The following IQCE variants were observed in gnomAD, a reference collection of about 807,000 sequenced individuals.
IQCE encodes the protein IQ motif containing E.
IQCE carries 115 observed loss-of-function variants against 96.0 expected under a neutral mutation model. That is an observed-to-expected ratio of 1.20 (90% CI 1.03 to 1.40). The LOEUF (loss-of-function observed/expected upper bound fraction) is 1.40, where lower values mean the gene tolerates loss of function less well. Among genes scored for constraint, IQCE ranks in the 40% most tolerant of loss-of-function variants. The pLI, the probability that IQCE is intolerant of heterozygous loss-of-function variation, is 0.00. For synonymous variants in IQCE, 412 were observed against 371.2 expected (o/e 1.11, Z -1.26); for missense variants, 1,041 against 909.1 (o/e 1.15, Z -1.87).
intron 18 of IQCE, among the ~76,000 whole-genome samples, chr7:2,604,160 G>A (rs1162042569): frequency 1.3e-5 from 2 of 151,882 alleles, no homozygotes; most frequent in Non-Finnish European, 2.9e-5. Context: ...GCTAATTTTT[G>A]TATTTTTAGT....
In IQCE at chr7:2,586,355, C is replaced by A; in HGVS notation, c.972C>A (p.Thr324=). 1 of 1,612,750 alleles carries A rather than the reference C, an allele frequency of 6.2e-7. No homozygotes were observed. Among genetic ancestry groups the A allele is most frequent in the Non-Finnish European group, 8.5e-7 (1 of 1,179,692 alleles). Reference sequence around the variant, plus strand: ...ACCGCGTGCTGAGCACCTCCCCAACCATCTCCAAGACACAGGGTACCTTCC... The same window carrying A: ...ACCGCGTGCTGAGCACCTCCCCAACAATCTCCAAGACACAGGGTACCTTCC... ...DLDRVLSTSP[T]ISKTQGYVEW... Residue 324 remains threonine, a synonymous_variant, in exon 12 of 22, where the codon ACC becomes ACA. Coordinates refer to ENST00000402050, the MANE Select transcript of IQCE (RefSeq NM_152558.5).
chr7:2,600,307 C>T (rs1359463612), intron 17 of IQCE, among the ~76,000 whole-genome samples: 1 of 152,242 alleles, frequency 6.6e-6, no homozygotes, highest in Non-Finnish European at 1.5e-5. Flanking sequence ...TGTACCCCAT[C>T]CCCTCGGGAC....
chr7:2,607,956 G>A lies in IQCE; in HGVS notation c.1969+729G>A, dbSNP rs139230529. Among the ~76,000 whole-genome samples, 544 of 152,310 alleles carry A rather than the reference G, an allele frequency of 3.6e-3. 1 individual carries two copies. Among genetic ancestry groups the A allele is most frequent in the African/African-American group, 9.0e-3 (376 of 41,564 alleles). On this transcript the variant is annotated intron_variant, in intron 21 of 21. Transcript: ENST00000402050. The stretch of plus-strand genomic sequence containing the variant: ...AGTGTGGCGTGCGGGGCTGTTTCAC[G>A]TGGGAAGTGTCAGGCGAAGGGCTTT...
At chr7:2,585,619 C>T (rs1359234819) in intron 11 of IQCE, among the ~76,000 whole-genome samples, 2 of 152,228 alleles carry the variant, frequency 1.3e-5, no homozygotes, top group East Asian at 1.9e-4. Flanking sequence ...CCAGGCAGGC[C>T]ACAGAAAGCA....
At chr7:2,568,171 G>A (rs762805611) in intron 2 of IQCE, among the ~76,000 whole-genome samples, 18 of 152,200 alleles carry the variant, frequency 1.2e-4, no homozygotes, top group Non-Finnish European at 2.9e-5. Context: ...GCACCCTCAT[G>A]AGGCCACAAG....
chr7:2,564,011 C>T (rs2128427322), intron 1 of IQCE, among the ~76,000 whole-genome samples: 1 of 151,318 alleles, frequency 6.6e-6, no homozygotes, highest in East Asian at 2.0e-4. Context: ...AGTTCAAGAC[C>T]AGCCTGGCCA....
chr7:2,607,589 C>T, intron 21 of IQCE: 1 of 1,206,024 alleles, frequency 8.3e-7, no homozygotes, highest in East Asian at 3.6e-5. Flanking sequence ...CAAAAACAGT[C>T]AGTGAAGAAG....
chr7:2,567,806 T>C (rs1781489151), intron 2 of IQCE, among the ~76,000 whole-genome samples: 1 of 152,232 alleles, frequency 6.6e-6, no homozygotes, highest in Non-Finnish European at 1.5e-5. Flanking sequence ...CTCTGTGGAC[T>C]CAAGGGGGAG....
At position 2,614,045 on chromosome 7, in the gene IQCE, G is replaced by C. The variant is rs1785203976; in HGVS notation, c.*3883G>C. 1 of 152,226 alleles carries C rather than the reference G, an allele frequency of 6.6e-6. No individual in the cohort carries two copies. Among genetic ancestry groups the C allele is most frequent in the Non-Finnish European group, 1.5e-5 (1 of 68,040 alleles). The allele number at this position is 152,226 out of a possible 1,614,324, so 9.4% of individuals were successfully genotyped here. A position where few individuals can be genotyped will look rare whatever the true frequency, so the allele number is the denominator to read the frequency against. On this transcript the variant is annotated 3_prime_UTR_variant, in exon 22 of 22. Coordinates refer to ENST00000402050, the MANE Select transcript of IQCE (RefSeq NM_152558.5). ...ATGCGCTGGCTGTGGTCTGTCTGCT[G>C]AATGTCTATTTTTGTCTCCTGACGA...
In IQCE at chr7:2,614,125, C is replaced by CA. The variant is rs3215343; in HGVS notation, c.*3971dup. On this transcript the variant is annotated 3_prime_UTR_variant, in exon 22 of 22. Coordinates refer to ENST00000402050, the MANE Select transcript of IQCE (RefSeq NM_152558.5). ...GATGGACCAGAAACCCCCTTCCTTG[C>CA]AAAAAAAAGGCAATTGAATTAGGAA... 21,322 of 151,492 alleles carry CA rather than the reference C, an allele frequency of 0.14. 1,567 individuals carry two copies. Among genetic ancestry groups the CA allele is most frequent in the African/African-American group, 0.17 (7,216 of 41,250 alleles). The allele number at this position is 151,492 out of a possible 1,614,324, so 9.4% of individuals were successfully genotyped here. A position where few individuals can be genotyped will look rare whatever the true frequency, so the allele number is the denominator to read the frequency against.
At position 2,567,164 on chromosome 7, in the gene IQCE, G is replaced by GT. The variant is rs757888461; in HGVS notation, c.84+2dup. Reference sequence around the variant, plus strand: ...CACCTTTGACTCTGATGTGGAGACGGTGAGTGCCGCTGGGTGTCAGCCGTG... The same window carrying GT: ...CACCTTTGACTCTGATGTGGAGACGGTTGAGTGCCGCTGGGTGTCAGCCGTG... On this transcript the variant is annotated splice_donor_variant, in intron 2 of 21. Coordinates refer to ENST00000402050, the MANE Select transcript of IQCE (RefSeq NM_152558.5). LOFTEE classifies it high-confidence loss of function. 13 of 1,613,296 alleles carry GT rather than the reference G, an allele frequency of 8.1e-6. No individual in the cohort carries two copies. The African/African-American group carries it at 9.3e-5, about 12-fold the overall frequency.
chr7:2,590,754 G>C (rs540657640), intron 14 of IQCE, among the ~76,000 whole-genome samples: 1 of 152,248 alleles, frequency 6.6e-6, no homozygotes, highest in South Asian at 2.1e-4. Context: ...AACTGAGTGA[G>C]ACCTCAACTC....
intron 11 of IQCE, among the ~76,000 whole-genome samples, chr7:2,585,392 C>G (rs1375454338): frequency 1.3e-5 from 2 of 152,220 alleles, no homozygotes; most frequent in East Asian, 3.8e-4. Flanking sequence ...ACATGTGTCT[C>G]TGTTTAAAGA....
chr7:2,559,412 C>T (rs1261395268), intron 1 of IQCE, 195 bp downstream of exon 1: 1 of 307,364 alleles, frequency 3.3e-6, no homozygotes. Context: ...CAGCCTCGCC[C>T]GCGCCCGCTT....
chr7:2,597,419 A>G (rs1391880430), intron 16 of IQCE, among the ~76,000 whole-genome samples: 1 of 152,238 alleles, frequency 6.6e-6, no homozygotes, highest in Non-Finnish European at 1.5e-5. Context: ...AAGCATCGTT[A>G]ACACACAGAA....
intron 5 of IQCE, chr7:2,572,661 C>A (rs2969043): frequency 0.2 from 94,973 of 480,874 alleles, 10,492 homozygotes; most frequent in East Asian, 0.34. Context: ...GATAAAAAGT[C>A]CAAGTCGCAC....
At chr7:2,598,405 C>A in intron 16 of IQCE, 60 bp from the exon 17 acceptor site, 1 of 1,471,118 alleles carries the variant, frequency 6.8e-7, no homozygotes, top group South Asian at 1.3e-5. Flanking sequence ...GTCCCCTTGC[C>A]GGATACTGGT....
At chr7:2,588,576 A>G (rs1020220244) in intron 13 of IQCE, among the ~76,000 whole-genome samples, 2 of 142,586 alleles carry the variant, frequency 1.4e-5, no homozygotes, top group African/African-American at 5.3e-5. Flanking sequence ...GATGGTCTCG[A>G]TCTCCTGACC....
At chr7:2,582,420 T>G (rs970252464) in intron 8 of IQCE, among the ~76,000 whole-genome samples, 160 bp from the exon 9 acceptor site, 2 of 152,058 alleles carry the variant, frequency 1.3e-5, no homozygotes, top group African/African-American at 4.8e-5. Context: ...GACAGCACAG[T>G]GGGGCCCTCC....
Sources: gnomAD v4.1 joint callset for allele counts (sites outside exome capture counted in the v4.1 genomes callset) on GRCh38, gnomAD v4.1.1 for gene constraint, MANE v1.5 for transcripts, NCBI Gene and HGNC (gene_info 2026-07-23, HGNC 2026-07-21) for gene names.